Variants in RBMS3 observed in about 807,000 individuals in gnomAD.
RBMS3 encodes the protein RNA-binding motif, single-stranded-interacting protein 3.
In RBMS3, 27 loss-of-function variants were observed where a neutral mutation model predicts 66.8. The observed-to-expected ratio is 0.40, with a 90% confidence interval of 0.30 to 0.56. The LOEUF (loss-of-function observed/expected upper bound fraction) is 0.56, where lower values mean the gene tolerates loss of function less well. Ranked by LOEUF, RBMS3 falls within the 20% of genes least tolerant of loss-of-function variation. The pLI is 0.40. For missense variants in RBMS3, 513 were observed against 549.5 expected (o/e 0.93, Z 0.66); for synonymous variants, 188 against 183.0 (o/e 1.03, Z -0.22).
intron 3 of RBMS3, among the ~76,000 whole-genome samples, chr3:29,525,981 G>A (rs75853768): frequency 0.014 from 2,173 of 152,196 alleles, 46 homozygotes; most frequent in African/African-American, 0.048. Flanking sequence ...ATGTAGTGTC[G>A]CTGACTCTTG....
intron 1 of RBMS3, among the ~76,000 whole-genome samples, chr3:29,289,997 A>G (rs959129334): frequency 6.6e-6 from 1 of 151,820 alleles, no homozygotes; most frequent in Non-Finnish European, 1.5e-5. Context: ...CTACTTAGTC[A>G]TTTTCCCTGA....
At chr3:29,986,641 T>C (rs1409847572) in intron 12 of RBMS3, among the ~76,000 whole-genome samples, 4 of 152,206 alleles carry the variant, frequency 2.6e-5, no homozygotes, top group Non-Finnish European at 5.9e-5. Context: ...TAGAGTAATC[T>C]TGTTGAAAAG....
At chr3:29,542,963 A>AT (rs1027060122) in intron 3 of RBMS3, among the ~76,000 whole-genome samples, 2 of 152,224 alleles carry the variant, frequency 1.3e-5, no homozygotes, top group African/African-American at 4.8e-5. Context: ...TTTTTAAATG[A>AT]TTTAAGTTTA....
chr3:29,623,311 G>A (rs1390403948), intron 4 of RBMS3, among the ~76,000 whole-genome samples: 3 of 151,604 alleles, frequency 2.0e-5, no homozygotes, highest in African/African-American at 4.8e-5. Flanking sequence ...TATAAAAGTC[G>A]GCCGGGCGCG....
chr3:29,739,380 C>T (rs1173703093), intron 4 of RBMS3, among the ~76,000 whole-genome samples: 1 of 148,722 alleles, frequency 6.7e-6, no homozygotes, highest in African/African-American at 2.5e-5. Context: ...GGCGTGAACC[C>T]GGGAAGCAGA....
chr3:29,389,591 A>T (rs1430453231), intron 1 of RBMS3, among the ~76,000 whole-genome samples: 1 of 152,180 alleles, frequency 6.6e-6, no homozygotes, highest in Non-Finnish European at 1.5e-5. Context: ...AGCATCTCCC[A>T]TCTGGCCAAA....
chr3:29,737,252 G>C (rs2054423913), intron 4 of RBMS3, among the ~76,000 whole-genome samples: 1 of 152,170 alleles, frequency 6.6e-6, no homozygotes, highest in African/African-American at 2.4e-5. Flanking sequence ...TGGGATTACA[G>C]GCATGAGCCA....
At chr3:29,736,664 G>A (rs557130729) in intron 4 of RBMS3, among the ~76,000 whole-genome samples, 12 of 152,254 alleles carry the variant, frequency 7.9e-5, no homozygotes, top group African/African-American at 2.4e-4. Flanking sequence ...AAAGCTCTGG[G>A]GCACGTATTT....
chr3:29,356,413 C>A (rs995987120), intron 1 of RBMS3, among the ~76,000 whole-genome samples: 3 of 152,124 alleles, frequency 2.0e-5, no homozygotes, highest in Non-Finnish European at 4.4e-5. Flanking sequence ...TGAATATTTT[C>A]TTAAGGCAAT....
intron 6 of RBMS3, among the ~76,000 whole-genome samples, chr3:29,794,335 C>T (rs2057109138): frequency 6.6e-6 from 1 of 152,110 alleles, no homozygotes; most frequent in Non-Finnish European, 1.5e-5. Flanking sequence ...GCCTGTAATC[C>T]CAGCACTTTG....
At chr3:29,898,589 C>T (rs1577094355) in intron 9 of RBMS3, among the ~76,000 whole-genome samples, 1 of 151,502 alleles carries the variant, frequency 6.6e-6, no homozygotes, top group Admixed American at 6.6e-5. Context: ...GAAACATATC[C>T]GTGGGCAAAT....
intron 4 of RBMS3, among the ~76,000 whole-genome samples, chr3:29,605,083 T>C (rs1236287199): frequency 6.6e-6 from 1 of 151,982 alleles, no homozygotes; most frequent in Non-Finnish European, 1.5e-5. Context: ...CCATTCCTTC[T>C]TTGTATATTT....
chr3:29,667,109 C>G lies in RBMS3; in HGVS notation c.400-72611C>G, dbSNP rs551134179. On this transcript the variant is annotated intron_variant, in intron 4 of 14. Coordinates refer to ENST00000383767, the MANE Select transcript of RBMS3 (RefSeq NM_001003793.3). Reference sequence around the variant, plus strand: ...GCAAAAATATCTGGGAAATAATGTTCTTGCCCTCCTTTCCCCAAATAAATT... The same window carrying G: ...GCAAAAATATCTGGGAAATAATGTTGTTGCCCTCCTTTCCCCAAATAAATT... 4.5e-4 allele frequency among the ~76,000 whole-genome samples: 68 copies of G among 152,258 alleles called. 2 individuals are homozygous for G. In the South Asian group the frequency reaches 0.014, roughly 31 times the overall value.
At chr3:29,702,230 C>T (rs2052636860) in intron 4 of RBMS3, among the ~76,000 whole-genome samples, 2 of 152,086 alleles carry the variant, frequency 1.3e-5, no homozygotes, top group African/African-American at 4.8e-5. Context: ...AATCAGCACC[C>T]TGTGTCTAGC....
At chr3:29,567,230 T>C (rs186940874) in intron 3 of RBMS3, among the ~76,000 whole-genome samples, 25 of 152,242 alleles carry the variant, frequency 1.6e-4, no homozygotes, top group African/African-American at 5.8e-4. Flanking sequence ...GGTAAATCAA[T>C]AGCAATATTT....
At chr3:29,996,291 A>G (rs1189336313) in intron 14 of RBMS3, among the ~76,000 whole-genome samples, 4 of 151,760 alleles carry the variant, frequency 2.6e-5, no homozygotes, top group Non-Finnish European at 5.9e-5. Context: ...ACCTACAAAG[A>G]GACTTAGACT....
At chr3:29,765,367 A>G (rs892097982) in intron 6 of RBMS3, among the ~76,000 whole-genome samples, 1 of 151,982 alleles carries the variant, frequency 6.6e-6, no homozygotes, top group Non-Finnish European at 1.5e-5. Context: ...GGATATCACT[A>G]TGAGCTATGG....
At chr3:29,335,468 C>T (rs2035892865) in intron 1 of RBMS3, among the ~76,000 whole-genome samples, 1 of 152,142 alleles carries the variant, frequency 6.6e-6, no homozygotes. Context: ...AAAGAACTCC[C>T]CTGCCATGTC....
At chr3:29,324,259 A>G (rs1206760591) in intron 1 of RBMS3, among the ~76,000 whole-genome samples, 1 of 152,148 alleles carries the variant, frequency 6.6e-6, no homozygotes, top group African/African-American at 2.4e-5. Context: ...GAAGAGGCAC[A>G]GTATTCTGGT....
Sources: allele counts gnomAD v4.1 joint callset (sites outside exome capture counted in the v4.1 genomes callset), GRCh38; gene constraint gnomAD v4.1.1; transcripts MANE v1.5; gene names NCBI Gene and HGNC (gene_info 2026-07-23, HGNC 2026-07-21).